The following RORA variants were observed in gnomAD, a reference collection of about 807,000 sequenced individuals.
RORA encodes the protein nuclear receptor ROR-alpha.
In RORA, 7 loss-of-function variants were observed where a neutral mutation model predicts 69.5. The observed-to-expected ratio is 0.10, with a 90% CI of 0.06 to 0.19. RORA has a LOEUF of 0.19. Among genes scored for constraint, RORA ranks in the 10% least tolerant of loss-of-function variants. RORA has a pLI of 1.00. For missense variants in RORA, 457 were observed against 663.0 expected, an observed-to-expected ratio of 0.69 and a Z score of 3.41; for synonymous variants, 261 against 240.8, an observed-to-expected ratio of 1.08 and a Z score of -0.78.
intron 1 of RORA, among the ~76,000 whole-genome samples, chr15:60,901,224 T>G (rs1038062150): frequency 6.6e-6 from 1 of 152,202 alleles, no homozygotes; most frequent in Non-Finnish European, 1.5e-5. Flanking sequence ...CAGGATGCAG[T>G]GCAGTGGTGC....
rs968854238 is a variant in RORA, at chr15:60,952,364, C to T, written c.167-273678G>A. On this transcript the variant is annotated intron_variant, in intron 1 of 10. Coordinates refer to ENST00000335670, the MANE Select transcript of RORA (RefSeq NM_134261.3). ...GAATGGGCAAAAACTGAAAGCATTC[C>T]CTTTGAAAACTGGCACAAGACAGGG... Among the ~76,000 whole-genome samples, 1,243 of 152,206 alleles carry T rather than the reference C, an allele frequency of 8.2e-3. 10 individuals are homozygous for T. Among genetic ancestry groups the T allele is most frequent in the African/African-American group, 0.028 (1,167 of 41,522 alleles).
chr15:60,592,871 GC>G (rs1171580174), intron 2 of RORA: 7 of 462,332 alleles, frequency 1.5e-5, no homozygotes, highest in Non-Finnish European at 2.6e-5. Context: ...ACCACTTTCT[GC>G]CCCCACTCGG....
intron 1 of RORA, among the ~76,000 whole-genome samples, chr15:60,808,281 T>TA (rs1339333405): frequency 6.6e-6 from 1 of 152,034 alleles, no homozygotes; most frequent in East Asian, 1.9e-4. Flanking sequence ...CAAAAGAAGA[T>TA]ACACAAATGG....
At chr15:60,612,030 G>A (rs982567081) in intron 2 of RORA, among the ~76,000 whole-genome samples, 38 of 152,074 alleles carry the variant, frequency 2.5e-4, no homozygotes, top group Non-Finnish European at 3.5e-4. Context: ...GGCTTCTATC[G>A]GCTCTTTCCC....
At chr15:61,018,271 G>A (rs942068951) in intron 1 of RORA, among the ~76,000 whole-genome samples, 11 of 152,212 alleles carry the variant, frequency 7.2e-5, no homozygotes, top group African/African-American at 2.4e-4. Context: ...AAGTACCGGG[G>A]GCCTCTCCTG....
At chr15:61,063,313 T>C (rs1409235297) in intron 1 of RORA, among the ~76,000 whole-genome samples, 1 of 152,126 alleles carries the variant, frequency 6.6e-6, no homozygotes, top group Non-Finnish European at 1.5e-5. Context: ...ATAAAAGATA[T>C]AGAGAAAAAA....
chr15:60,934,467 TTTGTTGTTG>T (rs59877483), intron 1 of RORA, among the ~76,000 whole-genome samples: 51 of 147,022 alleles, frequency 3.5e-4, no homozygotes, highest in Middle Eastern at 3.4e-3. Flanking sequence ...GGCCCAAGAG[TTTGTTGTTG>T]TTGTTGTTGT....
intron 1 of RORA, among the ~76,000 whole-genome samples, chr15:60,956,956 T>G (rs1391184949): frequency 6.6e-6 from 1 of 152,238 alleles, no homozygotes; most frequent in Non-Finnish European, 1.5e-5. Context: ...ATGGCCAGAT[T>G]CTGCATCTAT....
intron 1 of RORA, among the ~76,000 whole-genome samples, chr15:61,102,313 C>G (rs557702168): frequency 3.3e-5 from 5 of 152,174 alleles, no homozygotes; most frequent in Non-Finnish European, 7.3e-5. Flanking sequence ...AAACGTCACA[C>G]AGGCAGTGAA....
chr15:60,857,616 A>C (rs1188099566), intron 1 of RORA, among the ~76,000 whole-genome samples: 1 of 152,142 alleles, frequency 6.6e-6, no homozygotes, highest in Non-Finnish European at 1.5e-5. Context: ...CCAGCCAAGC[A>C]GAAGGCCTAC....
chr15:61,218,774 T>C (rs9920111), intron 1 of RORA, among the ~76,000 whole-genome samples: 7,668 of 152,222 alleles, frequency 0.05, 452 homozygotes, highest in African/African-American at 0.14. Flanking sequence ...ACTTTTCACT[T>C]AGCAATGGCT....
At chr15:61,085,385 C>T (rs2078607401) in intron 1 of RORA, among the ~76,000 whole-genome samples, 1 of 152,216 alleles carries the variant, frequency 6.6e-6, no homozygotes, top group Non-Finnish European at 1.5e-5. Flanking sequence ...CCCTCAATTT[C>T]CACAATCACA....
At chr15:60,944,636 G>T (rs1203519858) in intron 1 of RORA, among the ~76,000 whole-genome samples, 1 of 149,284 alleles carries the variant, frequency 6.7e-6, no homozygotes, top group African/African-American at 2.5e-5. Flanking sequence ...GAGGTGAGAG[G>T]ACTGCTTGAG....
At chr15:60,826,422 C>G (rs1016233187) in intron 1 of RORA, among the ~76,000 whole-genome samples, 1 of 152,188 alleles carries the variant, frequency 6.6e-6, no homozygotes, top group African/African-American at 2.4e-5. Flanking sequence ...TCCAGCCTGG[C>G]TGCTGACTTC....
chr15:60,970,879 GA>G, intron 1 of RORA, among the ~76,000 whole-genome samples: 1 of 152,208 alleles, frequency 6.6e-6, no homozygotes, highest in African/African-American at 2.4e-5. Flanking sequence ...AGCAAAAATG[GA>G]AGGGCCTTCC....
chr15:61,121,313 G>C (rs2079102371), intron 1 of RORA, among the ~76,000 whole-genome samples: 1 of 152,194 alleles, frequency 6.6e-6, no homozygotes, highest in Non-Finnish European at 1.5e-5. Context: ...GCAGTGGAGG[G>C]ATGCATATGT....
intron 1 of RORA, among the ~76,000 whole-genome samples, chr15:60,927,188 C>T (rs1362045798): frequency 6.6e-6 from 1 of 152,146 alleles, no homozygotes; most frequent in African/African-American, 2.4e-5. Flanking sequence ...AAGTGCTCAA[C>T]ACATGTGGAC....
chr15:60,788,351 G>T lies in RORA; in HGVS notation c.167-109665C>A, dbSNP rs1458140928. On this transcript the variant is annotated intron_variant, in intron 1 of 10. Coordinates refer to ENST00000335670, the MANE Select transcript of RORA (RefSeq NM_134261.3). ...GAATGTGCTAAGTTCATGGCTGGTG[G>T]GGTGGGGAATGCTTTCCCATTAGAG... Among the ~76,000 whole-genome samples the T allele has an allele frequency of 4.6e-5, 7 of 152,190 alleles. No homozygotes were observed. The East Asian group carries it at 9.6e-4, about 21-fold the overall frequency.
At chr15:61,078,635 A>G (rs941737010) in intron 1 of RORA, among the ~76,000 whole-genome samples, 2 of 152,216 alleles carry the variant, frequency 1.3e-5, no homozygotes, top group African/African-American at 4.8e-5. Flanking sequence ...TCATAGTAAC[A>G]GTGGTAAAGT....
Sources: allele counts gnomAD v4.1 joint callset (sites outside exome capture counted in the v4.1 genomes callset), GRCh38; gene constraint gnomAD v4.1.1; transcripts MANE v1.5; gene names NCBI Gene and HGNC (gene_info 2026-07-23, HGNC 2026-07-21).